Variants in NAA60 observed in about 807,000 individuals in gnomAD.
The protein encoded by NAA60 is N-alpha-acetyltransferase 60, NatF catalytic subunit, also known as N-alpha-acetyltransferase 60.
Under a neutral mutation model 26.1 loss-of-function variants are expected in NAA60, and 8 were observed. That is an observed-to-expected ratio of 0.31 (90% confidence interval 0.18 to 0.55). The LOEUF (loss-of-function observed/expected upper bound fraction) is 0.55. Among genes scored for constraint, NAA60 ranks in the 20% least tolerant of loss-of-function variants. The pLI, the probability that NAA60 is intolerant of heterozygous loss-of-function variation, is 0.93. For synonymous variants in NAA60, 131 were observed against 122.5 expected (o/e 1.07, Z -0.46); for missense variants, 290 against 311.3 (o/e 0.93, Z 0.51).
At chr16:3,482,186 C>T (rs1015734880) in intron 4 of NAA60, among the ~76,000 whole-genome samples, 1 of 152,222 alleles carries the variant, frequency 6.6e-6, no homozygotes, top group Non-Finnish European at 1.5e-5. Flanking sequence ...GTAGTTGCTG[C>T]CTTCATGCCA....
At chr16:3,471,154 G>A (rs12445619) in intron 2 of NAA60, among the ~76,000 whole-genome samples, 9,335 of 152,168 alleles carry the variant, frequency 0.061, 381 homozygotes, top group Admixed American at 0.084. Flanking sequence ...AGCTTATTAC[G>A]AATCTGTCTT....
At chr16:3,472,026 G>C (rs2036180731) in intron 2 of NAA60, 1 of 152,268 alleles carries the variant, frequency 6.6e-6, no homozygotes, top group Non-Finnish European at 1.5e-5. Flanking sequence ...TAGGGGAAAG[G>C]GGGTGGGAGC....
chr16:3,469,222 C>G (rs1300887991), intron 2 of NAA60, among the ~76,000 whole-genome samples: 3 of 152,268 alleles, frequency 2.0e-5, no homozygotes, highest in Admixed American at 6.5e-5. Flanking sequence ...GACTTTAGTG[C>G]TCTATCCCCC....
At chr16:3,480,174 G>GT (rs1256737030) in intron 4 of NAA60, among the ~76,000 whole-genome samples, 2 of 152,196 alleles carry the variant, frequency 1.3e-5, no homozygotes, top group Non-Finnish European at 2.9e-5. Flanking sequence ...TCAAGATTCT[G>GT]TGTGATGATG....
chr16:3,473,742 TG>T (rs1192376430), intron 2 of NAA60, among the ~76,000 whole-genome samples: 73 of 151,178 alleles, frequency 4.8e-4, no homozygotes, highest in Admixed American at 1.2e-3. Context: ...TTGTTGTTGT[TG>T]TTGTTTTTTG....
At chr16:3,454,252 G>A (rs543501426) in intron 2 of NAA60, among the ~76,000 whole-genome samples, 1 of 152,332 alleles carries the variant, frequency 6.6e-6, no homozygotes, top group South Asian at 2.1e-4. Context: ...ATACAGGCAA[G>A]TGCCATGACC....
intron 2 of NAA60, among the ~76,000 whole-genome samples, chr16:3,464,434 G>C (rs1349761329): frequency 6.6e-6 from 1 of 152,214 alleles, no homozygotes; most frequent in Non-Finnish European, 1.5e-5. Context: ...GAAGAAGCCA[G>C]GGAGGGGCAA....
At chr16:3,465,812 G>A (rs573745963) in intron 2 of NAA60, among the ~76,000 whole-genome samples, 4 of 152,246 alleles carry the variant, frequency 2.6e-5, no homozygotes, top group African/African-American at 9.6e-5. Context: ...TGGTATGTCC[G>A]CCCCATATAA....
intron 1 of NAA60, among the ~76,000 whole-genome samples, chr16:3,445,640 G>A (rs929067973): frequency 1.3e-5 from 2 of 152,126 alleles, no homozygotes; most frequent in Middle Eastern, 3.4e-3. Flanking sequence ...ATCTGGATTT[G>A]TGGCTCTTTC....
At chr16:3,472,345 A>T (rs1195073796) in intron 2 of NAA60, 1 of 152,190 alleles carries the variant, frequency 6.6e-6, no homozygotes, top group Non-Finnish European at 1.5e-5. Context: ...AAAACCCACC[A>T]TCCACATTGG....
intron 2 of NAA60, chr16:3,448,857 C>A (rs2034657484): frequency 4.0e-6 from 1 of 249,456 alleles, no homozygotes; most frequent in Middle Eastern, 1.5e-3. Context: ...TCAGGGCACA[C>A]TGACAATGTT....
At chr16:3,471,717 G>A (rs765425660) in intron 2 of NAA60, among the ~76,000 whole-genome samples, 7 of 152,050 alleles carry the variant, frequency 4.6e-5, no homozygotes, top group Non-Finnish European at 1.0e-4. Context: ...GAGCTGAGCC[G>A]GTGGTGTTTT....
chr16:3,466,412 T>C (rs891315002), intron 2 of NAA60, among the ~76,000 whole-genome samples: 13 of 152,210 alleles, frequency 8.5e-5, no homozygotes, highest in African/African-American at 3.1e-4. Flanking sequence ...GATGGCTTGC[T>C]CTCACGTGGG....
At chr16:3,458,250 G>A in intron 2 of NAA60, 1 of 931,938 alleles carries the variant, frequency 1.1e-6, no homozygotes, top group Non-Finnish European at 1.3e-6. Flanking sequence ...GGGGTAGGCG[G>A]GGAGGCCGCG....
At chr16:3,483,009 C>T (rs1056844936) in intron 5 of NAA60, 24 of 468,064 alleles carry the variant, frequency 5.1e-5, no homozygotes, top group East Asian at 1.2e-4. Context: ...CTCGGCCACA[C>T]GGCCAGTGAG....
In NAA60 at chr16:3,484,695, C is replaced by T. The variant is rs554658633; in HGVS notation, c.573-4C>T. On this transcript the variant is annotated splice_polypyrimidine_tract_variant and splice_region_variant and intron_variant, in intron 6 of 7. Coordinates refer to ENST00000407558, the MANE Select transcript of NAA60 (RefSeq NM_001083601.3). ...AGTCGGAATCTTCCTTAACAGAGCC[C>T]CACGGACTACATCCAGCACCTGGGC... is the stretch of plus-strand genomic sequence containing the variant. 6.3e-6 allele frequency: 10 copies of T among 1,586,992 alleles called. No homozygotes were observed. The African/African-American group carries it at 1.1e-4, about 17-fold the overall frequency.
chr16:3,458,243 G>T (rs2035116919), intron 2 of NAA60: 41 of 677,962 alleles, frequency 6.0e-5, no homozygotes, highest in South Asian at 1.3e-4. Flanking sequence ...AGGGGGCGGG[G>T]TAGGCGGGGA....
At chr16:3,457,171 C>T (rs117518959) in intron 2 of NAA60, among the ~76,000 whole-genome samples, 4,007 of 152,202 alleles carry the variant, frequency 0.026, 70 homozygotes, top group Non-Finnish European at 0.042. Flanking sequence ...CCAGGTTGGT[C>T]GTGGTGGCTC....
At chr16:3,475,041 A>G (rs1277937290) in intron 2 of NAA60, among the ~76,000 whole-genome samples, 9 of 150,358 alleles carry the variant, frequency 6.0e-5, no homozygotes, top group Non-Finnish European at 1.2e-4. Context: ...TCAGCCTTCC[A>G]AAGTGCTGGG....
Sources: allele counts gnomAD v4.1 joint callset (sites outside exome capture counted in the v4.1 genomes callset), GRCh38; gene constraint gnomAD v4.1.1; transcripts MANE v1.5; gene names NCBI Gene and HGNC (gene_info 2026-07-23, HGNC 2026-07-21).